The following CACNA1E variants were observed in gnomAD, a reference collection of about 807,000 sequenced individuals.
CACNA1E encodes calcium voltage-gated channel subunit alpha1 E.
A neutral mutation model predicts 259.2 loss-of-function variants in CACNA1E; 40 were observed. The observed-to-expected ratio is 0.15, with a 90% CI of 0.12 to 0.20. The LOEUF is 0.20. CACNA1E is among the 10% of genes least tolerant of loss of function. CACNA1E has a pLI of 1.00. For synonymous variants in CACNA1E, 1,104 were observed against 1,138.5 expected (o/e 0.97, Z 0.61); for missense variants, 1,874 against 3,040.1 (o/e 0.62, Z 9.02).
At chr1:181,528,477 G>A (rs1667530248) in intron 3 of CACNA1E, among the ~76,000 whole-genome samples, 1 of 152,222 alleles carries the variant, frequency 6.6e-6, no homozygotes, top group African/African-American at 2.4e-5. Flanking sequence ...AAATGTGGAA[G>A]TGACTTTGGA....
chr1:181,724,681 GC>G, intron 17 of CACNA1E, 144 bp downstream of exon 17: 1 of 653,056 alleles, frequency 1.5e-6, no homozygotes, highest in Non-Finnish European at 2.7e-6. Flanking sequence ...CAGTTGGAGA[GC>G]CACACACCCA....
At chr1:181,366,396 G>A (rs949511673) in intron 1 of CACNA1E, among the ~76,000 whole-genome samples, 2 of 152,186 alleles carry the variant, frequency 1.3e-5, no homozygotes, top group African/African-American at 4.8e-5. Flanking sequence ...GTTGTCTCAA[G>A]GTAAGAGTCA....
At chr1:181,622,038 T>A (rs1469881035) in intron 6 of CACNA1E, among the ~76,000 whole-genome samples, 2 of 152,152 alleles carry the variant, frequency 1.3e-5, no homozygotes, top group Non-Finnish European at 2.9e-5. Flanking sequence ...CCATAATAAC[T>A]GTCCTTGAGT....
At chr1:181,615,880 G>C (rs1045376514) in intron 6 of CACNA1E, among the ~76,000 whole-genome samples, 4 of 152,102 alleles carry the variant, frequency 2.6e-5, no homozygotes, top group Admixed American at 2.6e-4. Flanking sequence ...GTTTTTTATA[G>C]ACACCCTTTT....
chr1:181,650,635 T>C (rs1001873750), intron 6 of CACNA1E, among the ~76,000 whole-genome samples: 3 of 152,246 alleles, frequency 2.0e-5, no homozygotes, highest in Non-Finnish European at 2.9e-5. Context: ...TAATTCTTCC[T>C]CAATCCCTGA....
At chr1:181,556,911 C>A (rs1648784469) in intron 3 of CACNA1E, among the ~76,000 whole-genome samples, 1 of 152,188 alleles carries the variant, frequency 6.6e-6, no homozygotes, top group African/African-American at 2.4e-5. Context: ...TCCTAGAGTT[C>A]ACACAGAATT....
At chr1:181,447,720 CTG>C (rs902454606) in intron 2 of CACNA1E, among the ~76,000 whole-genome samples, 2 of 152,162 alleles carry the variant, frequency 1.3e-5, no homozygotes, top group Admixed American at 6.5e-5. Context: ...TGTGGGCAGA[CTG>C]TGTTCCTTTC....
chr1:181,658,831 T>A (rs569888842), intron 7 of CACNA1E, among the ~76,000 whole-genome samples: 2 of 152,320 alleles, frequency 1.3e-5, no homozygotes, highest in South Asian at 4.1e-4. Flanking sequence ...GAAATCATTC[T>A]GACCTGGTTT....
chr1:181,370,721 A>T (rs918141433), intron 1 of CACNA1E, among the ~76,000 whole-genome samples: 45 of 152,232 alleles, frequency 3.0e-4, no homozygotes, highest in African/African-American at 1.1e-3. Flanking sequence ...CACTATGGTG[A>T]CTAACACTGT....
intron 34 of CACNA1E, among the ~76,000 whole-genome samples, chr1:181,765,834 C>G (rs199921): frequency 0.14 from 20,902 of 152,214 alleles, 1,461 homozygotes; most frequent in South Asian, 0.24. Context: ...AGGCCAGTTC[C>G]CTGCCTCATA....
chr1:181,740,010 G>T (rs533779769), intron 25 of CACNA1E, among the ~76,000 whole-genome samples: 1 of 152,196 alleles, frequency 6.6e-6, no homozygotes, highest in African/African-American at 2.4e-5. Context: ...GAAATGGGAT[G>T]CTTTCAGGGC....
At chr1:181,511,557 T>A in intron 3 of CACNA1E, 47 bp downstream of exon 3, 1 of 1,603,750 alleles carries the variant, frequency 6.2e-7, no homozygotes. Flanking sequence ...TGAAGGGGGT[T>A]GGTATCATGA....
At chr1:181,625,091 G>A (rs1429248293) in intron 6 of CACNA1E, among the ~76,000 whole-genome samples, 2 of 140,992 alleles carry the variant, frequency 1.4e-5, no homozygotes, top group Non-Finnish European at 3.0e-5. Flanking sequence ...CTCAACAGTG[G>A]GCTTAAAATA....
At chr1:181,422,932 G>A (rs1658863971) in intron 2 of CACNA1E, among the ~76,000 whole-genome samples, 1 of 152,030 alleles carries the variant, frequency 6.6e-6, no homozygotes, top group South Asian at 2.1e-4. Flanking sequence ...AGAGTCATCC[G>A]TTGGTCTTAG....
Position 181,378,689 on chromosome 1 carries a change from A to G in CACNA1E, c.-14-34444A>G, listed in dbSNP as rs144511062. Among the ~76,000 whole-genome samples, 679 of 152,354 alleles carry G rather than the reference A, an allele frequency of 4.5e-3. 7 individuals carry two copies. Among genetic ancestry groups the G allele is most frequent in the African/African-American group, 0.015 (641 of 41,586 alleles). On this transcript the variant is annotated intron_variant, in intron 1 of 11. Transcript: ENST00000524607. ...AGGTAACAGTGCCCAGAATTCACAC[A>G]GAGACATAAATAGTGCCTATTCTCA...
chr1:181,779,362 CA>C (rs1419702553), intron 38 of CACNA1E: 7 of 322,356 alleles, frequency 2.2e-5, no homozygotes, highest in Non-Finnish European at 4.0e-5. Context: ...CTCTTTCAGC[CA>C]TCCTCTTCAT....
intron 2 of CACNA1E, among the ~76,000 whole-genome samples, chr1:181,474,741 A>C (rs766584796): frequency 6.6e-6 from 1 of 152,190 alleles, no homozygotes; most frequent in Non-Finnish European, 1.5e-5. Flanking sequence ...GGGATCTCAA[A>C]ATATTCTTTA....
At chr1:181,565,643 T>C (rs1268003927) in intron 3 of CACNA1E, among the ~76,000 whole-genome samples, 1 of 152,220 alleles carries the variant, frequency 6.6e-6, no homozygotes, top group Non-Finnish European at 1.5e-5. Flanking sequence ...GGATGAAGTA[T>C]TGTTGTCAGA....
chr1:181,512,953 A>C (rs1666272037), intron 3 of CACNA1E, among the ~76,000 whole-genome samples: 1 of 152,258 alleles, frequency 6.6e-6, no homozygotes, highest in Non-Finnish European at 1.5e-5. Flanking sequence ...GTATTAGAAG[A>C]GGCCTGTATG....
Sources: allele counts gnomAD v4.1 joint callset (sites outside exome capture counted in the v4.1 genomes callset), GRCh38; gene constraint gnomAD v4.1.1; transcripts MANE v1.5; gene names NCBI Gene and HGNC (gene_info 2026-07-23, HGNC 2026-07-21).